The following ATAD2B variants were observed in gnomAD, a reference collection of about 807,000 sequenced individuals.
The protein encoded by ATAD2B is ATPase family AAA domain containing 2B, also known as ATPase family AAA domain-containing protein 2B.
Under a neutral mutation model 167.6 loss-of-function variants are expected in ATAD2B, and 40 were observed. The observed-to-expected ratio is 0.24, with a 90% CI of 0.19 to 0.31. The LOEUF (loss-of-function observed/expected upper bound fraction) is 0.31. Among genes scored for constraint, ATAD2B ranks in the 10% least tolerant of loss-of-function variants. The pLI, the probability that ATAD2B is intolerant of heterozygous loss-of-function variation, is 1.00. For missense variants in ATAD2B, 1,242 were observed against 1,757.2 expected (o/e 0.71, Z 5.24); for synonymous variants, 579 against 596.5 (o/e 0.97, Z 0.43).
intron 12 of ATAD2B, among the ~76,000 whole-genome samples, chr2:23,861,238 G>T (rs1694311772): frequency 6.9e-6 from 1 of 145,564 alleles, no homozygotes. Context: ...TAAATATTTT[G>T]TGTCTTCTCA....
intron 19 of ATAD2B, among the ~76,000 whole-genome samples, chr2:23,789,569 GA>G (rs1681338550): frequency 6.6e-6 from 1 of 152,116 alleles, no homozygotes; most frequent in South Asian, 2.1e-4. Context: ...AAAAAAGGGA[GA>G]AAGTCACCAG....
chr2:23,753,241 C>G (rs1243105824), intron 27 of ATAD2B, among the ~76,000 whole-genome samples: 1 of 152,038 alleles, frequency 6.6e-6, no homozygotes, highest in Admixed American at 6.6e-5. Context: ...TCATATATTG[C>G]CAAATAAGAA....
chr2:23,783,190 T>C (rs913999193), intron 21 of ATAD2B, among the ~76,000 whole-genome samples, 162 bp from the exon 22 acceptor site: 5 of 151,974 alleles, frequency 3.3e-5, no homozygotes, highest in Non-Finnish European at 7.4e-5. Flanking sequence ...CCAAAGTTAC[T>C]ATCTGTCATA....
At chr2:23,732,644 T>C in the ATAD2B span, among the ~76,000 whole-genome samples, 1 of 152,318 alleles carries the variant, frequency 6.6e-6, no homozygotes, top group East Asian at 1.9e-4. Context: ...TGTTATTAGA[T>C]ATTAATTTCC....
At chr2:23,890,520 G>C (rs1057281931) in intron 2 of ATAD2B, among the ~76,000 whole-genome samples, 1 of 152,138 alleles carries the variant, frequency 6.6e-6, no homozygotes, top group Non-Finnish European at 1.5e-5. Flanking sequence ...GAATTCTTAA[G>C]AATCACTCTC....
the ATAD2B span, among the ~76,000 whole-genome samples, chr2:23,700,791 C>T: frequency 1.3e-5 from 2 of 152,312 alleles, no homozygotes; most frequent in East Asian, 3.9e-4. The surrounding 1 kb of genome is among the most constrained non-coding windows in gnomAD (Gnocchi z 4.6). Flanking sequence ...AGAGCAGTGG[C>T]CTGCTGGAGA....
At chr2:23,707,109 T>C in the ATAD2B span, 12,084 of 131,370 alleles carry the variant, frequency 0.092, 530 homozygotes, top group South Asian at 0.15. Flanking sequence ...ACTTTTGTTT[T>C]TTAACCGATC....
At chr2:23,697,780 G>A in the ATAD2B span, 2 of 152,164 alleles carry the variant, frequency 1.3e-5, no homozygotes, top group African/African-American at 4.8e-5. Context: ...GCTGGAGCTG[G>A]GTTGGCCCCG....
At chr2:23,694,537 C>T in the ATAD2B span, among the ~76,000 whole-genome samples, 2 of 152,316 alleles carry the variant, frequency 1.3e-5, no homozygotes, top group South Asian at 4.2e-4. Flanking sequence ...GCCTCGTCGA[C>T]TCCACAGGGG....
In ATAD2B at chr2:23,925,427, C is replaced by G. The variant is rs535192710; in HGVS notation, c.216+1128G>C. Among the ~76,000 whole-genome samples the G allele has an allele frequency of 7.2e-5, 11 of 152,318 alleles. No individual in the cohort carries two copies. The South Asian group carries it at 2.3e-3, about 32-fold the overall frequency. ...TGTAAGACACAAAGAAAAGCACACA[C>G]AAACCGCGATCTTGTAGACCCCTAG... On this transcript the variant is annotated intron_variant, in intron 1 of 27. Coordinates refer to ENST00000238789, the MANE Select transcript of ATAD2B (RefSeq NM_017552.4).
At chr2:23,763,202 A>G (rs1676969283) in intron 23 of ATAD2B, among the ~76,000 whole-genome samples, 1 of 152,164 alleles carries the variant, frequency 6.6e-6, no homozygotes, top group East Asian at 1.9e-4. Flanking sequence ...AACCAGTAAT[A>G]TGGCAGCCAG....
At chr2:23,802,610 C>A (rs1448709965) in intron 18 of ATAD2B, among the ~76,000 whole-genome samples, 1 of 149,702 alleles carries the variant, frequency 6.7e-6, no homozygotes, top group Non-Finnish European at 1.5e-5. Context: ...CACTCCAGGT[C>A]AGGATAATTT....
the ATAD2B span, among the ~76,000 whole-genome samples, chr2:23,734,862 C>T: frequency 2.0e-5 from 3 of 152,156 alleles, no homozygotes; most frequent in African/African-American, 4.8e-5. Flanking sequence ...TTGTATTTAA[C>T]CAAATTTATT....
At chr2:23,709,676 G>A in the ATAD2B span, among the ~76,000 whole-genome samples, 16 of 152,208 alleles carry the variant, frequency 1.1e-4, no homozygotes, top group African/African-American at 3.1e-4. Flanking sequence ...GTCAGGGTAG[G>A]CGAGAGAGGG....
At chr2:23,712,305 T>C in the ATAD2B span, among the ~76,000 whole-genome samples, 25 of 152,374 alleles carry the variant, frequency 1.6e-4, no homozygotes, top group Non-Finnish European at 3.1e-4. Context: ...CATTCAGCTC[T>C]GTTAAAAATA....
chr2:23,727,489 G>T, the ATAD2B span, among the ~76,000 whole-genome samples: 4 of 152,128 alleles, frequency 2.6e-5, no homozygotes, highest in Non-Finnish European at 5.9e-5. Context: ...CAGCAACTTT[G>T]GAAGACAGTT....
intron 18 of ATAD2B, among the ~76,000 whole-genome samples, chr2:23,807,644 G>A (rs917228912): frequency 2.0e-4 from 31 of 151,322 alleles, no homozygotes; most frequent in Non-Finnish European, 3.7e-4. Context: ...GTGACACACC[G>A]TCTCTACTAA....
chr2:23,828,907 C>T lies in ATAD2B; in HGVS notation c.1761G>A (p.Arg587=), dbSNP rs747954074. 2 of 1,608,812 alleles carry T rather than the reference C, an allele frequency of 1.2e-6. No homozygotes were observed. The highest frequency in any genetic ancestry group is 2.7e-5 in the African/African-American group (2 of 74,748). ...ARKHILQIHT[R]DWNPKLSDAF... ...CATCTGACAATTTTGGATTCCAGTC[C>T]CTGGTATGGATCTGTAAGATGTGTT... is the stretch of plus-strand genomic sequence containing the variant. Residue 587 remains arginine (R), a synonymous_variant, in exon 15 of 28, where the codon AGG becomes AGA. Transcript: ENST00000238789.
chr2:23,887,490 A>G (rs1698863131), intron 4 of ATAD2B, among the ~76,000 whole-genome samples: 1 of 152,188 alleles, frequency 6.6e-6, no homozygotes, highest in Non-Finnish European at 1.5e-5. Context: ...TGTAGAATAT[A>G]ATTTCCTCTC....
Sources: allele counts gnomAD v4.1 joint callset (sites outside exome capture counted in the v4.1 genomes callset), GRCh38; gene constraint gnomAD v4.1.1; non-coding constraint Gnocchi (gnomAD v3.1); transcripts MANE v1.5; gene names NCBI Gene and HGNC (gene_info 2026-07-23, HGNC 2026-07-21).